RAB3IP: variants seen among roughly 807,000 people sequenced by gnomAD.
The protein encoded by RAB3IP is rab-3A-interacting protein.
RAB3IP carries 36 observed loss-of-function variants against 59.1 expected under a neutral mutation model. The ratio of observed to expected loss-of-function variants is 0.61; its 90% CI spans 0.47 to 0.80. The LOEUF (loss-of-function observed/expected upper bound fraction) is 0.80, where lower values mean the gene tolerates loss of function less well. Ranked by LOEUF, RAB3IP falls within the 30% of genes least tolerant of loss-of-function variation. RAB3IP has a pLI of 0.00. For missense variants in RAB3IP, 511 were observed against 536.0 expected, an observed-to-expected ratio of 0.95 and a Z score of 0.46; for synonymous variants, 207 against 191.2, an observed-to-expected ratio of 1.08 and a Z score of -0.68.
At chr12:69,811,366 A>C (rs1880432824) in intron 8 of RAB3IP, among the ~76,000 whole-genome samples, 1 of 152,192 alleles carries the variant, frequency 6.6e-6, no homozygotes, top group African/African-American at 2.4e-5. Flanking sequence ...ATAAACCTGC[A>C]CACCCTGCAG....
At chr12:69,783,473 C>T (rs940152028) in intron 3 of RAB3IP, among the ~76,000 whole-genome samples, 6 of 152,044 alleles carry the variant, frequency 3.9e-5, no homozygotes, top group Admixed American at 6.5e-5. Context: ...TTGAGACTTC[C>T]GAGTTTTTTT....
chr12:69,790,338 A>G (rs1246843311), intron 4 of RAB3IP, among the ~76,000 whole-genome samples: 2 of 152,236 alleles, frequency 1.3e-5, no homozygotes, highest in African/African-American at 2.4e-5. Context: ...TAAAATACTT[A>G]GGAATAAACC....
chr12:69,779,472 C>T (rs1382974355), intron 3 of RAB3IP, among the ~76,000 whole-genome samples: 2 of 152,062 alleles, frequency 1.3e-5, no homozygotes, highest in Admixed American at 1.3e-4. Context: ...CTCTTGAACT[C>T]CAATTACTCG....
chr12:69,814,488 C>T (rs569788953), intron 10 of RAB3IP, among the ~76,000 whole-genome samples: 2 of 152,066 alleles, frequency 1.3e-5, no homozygotes, highest in African/African-American at 4.8e-5. Flanking sequence ...GACCTTGGTA[C>T]TAGTGACATT....
chr12:69,799,545 G>C (rs950453884), intron 6 of RAB3IP, among the ~76,000 whole-genome samples: 7 of 152,090 alleles, frequency 4.6e-5, no homozygotes, highest in African/African-American at 1.7e-4. Context: ...TAGTTACTGG[G>C]TGCCAAAAAT....
rs536517629 is a variant in RAB3IP, at chr12:69,814,529, C to T, written c.1301-835C>T. On this transcript the variant is annotated intron_variant, in intron 10 of 10. Coordinates refer to ENST00000247833, the MANE Select transcript of RAB3IP (RefSeq NM_022456.5). The stretch of plus-strand genomic sequence containing the variant: ...CTGGATAATTCTTTGTTGTGGGGGA[C>T]GGTCTTGTGCATTTGTAAGATGTTT... Among the ~76,000 whole-genome samples, 15 of 151,950 alleles carry T rather than the reference C, an allele frequency of 9.9e-5. No individual in the cohort carries two copies. In the East Asian group the frequency reaches 1.4e-3, roughly 14 times the overall value.
At chr12:69,813,886 G>A (rs553867569) in intron 10 of RAB3IP, among the ~76,000 whole-genome samples, 2 of 152,188 alleles carry the variant, frequency 1.3e-5, no homozygotes, top group African/African-American at 4.8e-5. Flanking sequence ...AGTTAGTCAC[G>A]CTGATAAAAA....
intron 6 of RAB3IP, among the ~76,000 whole-genome samples, chr12:69,797,962 T>G (rs1030451102): frequency 1.8e-4 from 28 of 152,178 alleles, no homozygotes; most frequent in Non-Finnish European, 3.8e-4. Flanking sequence ...TTTGCTATTG[T>G]GAATAATGCC....
At chr12:69,758,592 A>G (rs1050846451) in intron 3 of RAB3IP, among the ~76,000 whole-genome samples, 1 of 152,010 alleles carries the variant, frequency 6.6e-6, no homozygotes, top group Non-Finnish European at 1.5e-5. Flanking sequence ...TTTTTGTGCA[A>G]TAATTGTTGT....
At chr12:69,753,262 A>G (rs1869630237) in intron 1 of RAB3IP, among the ~76,000 whole-genome samples, 1 of 152,172 alleles carries the variant, frequency 6.6e-6, no homozygotes, top group African/African-American at 2.4e-5. Flanking sequence ...AACACTTTTT[A>G]TTAAGGATTT....
chr12:69,794,394 A>G (rs1877119385), intron 4 of RAB3IP, 43 bp from the exon 5 acceptor site: 3 of 1,527,160 alleles, frequency 2.0e-6, no homozygotes, highest in East Asian at 4.5e-5. Flanking sequence ...TTTGAAAACA[A>G]ATGCTACTTT....
chr12:69,789,263 A>C (rs1328377985), intron 4 of RAB3IP, among the ~76,000 whole-genome samples: 1 of 152,074 alleles, frequency 6.6e-6, no homozygotes, highest in Non-Finnish European at 1.5e-5. Context: ...TTAGCTAGAC[A>C]AACCAAGAGA....
intron 3 of RAB3IP, among the ~76,000 whole-genome samples, chr12:69,767,553 A>G (rs1051144917): frequency 1.3e-5 from 2 of 152,228 alleles, no homozygotes; most frequent in Non-Finnish European, 2.9e-5. Context: ...GTGCCTAGGC[A>G]TGGAGCTGGG....
intron 3 of RAB3IP, among the ~76,000 whole-genome samples, chr12:69,761,987 A>AG (rs1343771986): frequency 1.3e-5 from 2 of 152,202 alleles, no homozygotes; most frequent in African/African-American, 2.4e-5. Flanking sequence ...AGCTTAGAGA[A>AG]GGTACAGCTT....
chr12:69,747,493 G>T (rs976340847), intron 1 of RAB3IP, among the ~76,000 whole-genome samples: 4 of 152,190 alleles, frequency 2.6e-5, no homozygotes, highest in Non-Finnish European at 4.4e-5. Context: ...GTAGAGATGG[G>T]GTCTCGCTAT....
At position 69,764,548 on chromosome 12, in the gene RAB3IP, C is replaced by A. The variant is rs540742038; in HGVS notation, c.510+7885C>A. Among the ~76,000 whole-genome samples, 3 of 152,270 alleles carry A rather than the reference C, an allele frequency of 2.0e-5. No individual in the cohort carries two copies. The East Asian group carries it at 5.8e-4, about 29-fold the overall frequency. The stretch of plus-strand genomic sequence containing the variant: ...ACCATGCTGTTTTGATTACTGTAAC[C>A]TTATAAAATAGATTGAAGTCAAGTA... On this transcript the variant is annotated intron_variant, in intron 3 of 10. Coordinates refer to ENST00000247833, the MANE Select transcript of RAB3IP (RefSeq NM_022456.5).
chr12:69,786,698 A>G (rs186031826), intron 4 of RAB3IP, among the ~76,000 whole-genome samples: 1 of 152,284 alleles, frequency 6.6e-6, no homozygotes, highest in East Asian at 1.9e-4. Context: ...CCATCTGCAC[A>G]TGTATGTATG....
chr12:69,802,004 A>G (rs1878463439), intron 8 of RAB3IP, among the ~76,000 whole-genome samples: 1 of 144,408 alleles, frequency 6.9e-6, no homozygotes, highest in South Asian at 2.3e-4. Context: ...TTTTGCACCA[A>G]CCCAATACAG....
intron 3 of RAB3IP, among the ~76,000 whole-genome samples, chr12:69,783,519 C>T (rs1157207791): frequency 1.3e-5 from 2 of 152,130 alleles, no homozygotes; most frequent in Non-Finnish European, 2.9e-5. Context: ...CTGGTGAGGG[C>T]TCTTTGTTAC....
Sources: gnomAD v4.1 joint callset for allele counts (sites outside exome capture counted in the v4.1 genomes callset) on GRCh38, gnomAD v4.1.1 for gene constraint, MANE v1.5 for transcripts, NCBI Gene and HGNC (gene_info 2026-07-23, HGNC 2026-07-21) for gene names.